The following SCEL variants were observed in gnomAD, a reference collection of about 807,000 sequenced individuals.
SCEL encodes the protein sciellin.
A neutral mutation model predicts 117.6 loss-of-function variants in SCEL; 113 were observed. That is an observed-to-expected ratio of 0.96 (90% CI 0.83 to 1.12). The LOEUF (loss-of-function observed/expected upper bound fraction) is 1.12. SCEL is among the 50% of genes most tolerant of loss of function. The pLI is 0.00. For missense variants in SCEL, 785 were observed against 810.8 expected (o/e 0.97, Z 0.39); for synonymous variants, 270 against 256.2 (o/e 1.05, Z -0.51).
chr13:77,610,725 G>C (rs1594115116), intron 22 of SCEL, among the ~76,000 whole-genome samples: 1 of 152,246 alleles, frequency 6.6e-6, no homozygotes, highest in Admixed American at 6.5e-5. Context: ...GTAGCCTAAA[G>C]AAAGGTCTTC....
intron 12 of SCEL, among the ~76,000 whole-genome samples, chr13:77,594,391 A>G (rs1001259727): frequency 4.6e-5 from 7 of 152,084 alleles, no homozygotes; most frequent in African/African-American, 1.7e-4. Flanking sequence ...GTTTCCAAAT[A>G]CTCTGGCTTT....
intron 1 of SCEL, among the ~76,000 whole-genome samples, chr13:77,542,331 G>A (rs1341721317): frequency 6.6e-6 from 1 of 152,180 alleles, no homozygotes; most frequent in African/African-American, 2.4e-5. Context: ...AACCCGGGAG[G>A]TGGAGGTTGC....
At chr13:77,538,151 C>G (rs1033771603) in intron 1 of SCEL, among the ~76,000 whole-genome samples, 5 of 139,716 alleles carry the variant, frequency 3.6e-5, no homozygotes, top group Admixed American at 1.5e-4. Flanking sequence ...GAGTCTCGCT[C>G]TTTTCCCCAG....
At chr13:77,550,412 ATT>A (rs1491373709) in intron 1 of SCEL, among the ~76,000 whole-genome samples, 8 of 130,774 alleles carry the variant, frequency 6.1e-5, no homozygotes, top group South Asian at 5.1e-4. Context: ...ATATATATAT[ATT>A]ATATATATAT....
At chr13:77,537,875 G>A (rs1462797260) in intron 1 of SCEL, among the ~76,000 whole-genome samples, 3 of 152,136 alleles carry the variant, frequency 2.0e-5, no homozygotes, top group East Asian at 1.9e-4. Flanking sequence ...TATCTTATAC[G>A]GTTCAGGCAT....
chr13:77,549,675 T>A (rs1348112188), intron 1 of SCEL, among the ~76,000 whole-genome samples: 1 of 152,192 alleles, frequency 6.6e-6, no homozygotes, highest in African/African-American at 2.4e-5. Context: ...TGGCTTCTGT[T>A]TGTGAGTTCC....
chr13:77,553,106 T>C (rs2084437152), intron 1 of SCEL, among the ~76,000 whole-genome samples: 1 of 152,140 alleles, frequency 6.6e-6, no homozygotes, highest in South Asian at 2.1e-4. Flanking sequence ...AGTCACCTGC[T>C]GAGATACTAG....
intron 1 of SCEL, among the ~76,000 whole-genome samples, chr13:77,551,666 G>A (rs1205084709): frequency 6.6e-6 from 1 of 151,812 alleles, no homozygotes; most frequent in Non-Finnish European, 1.5e-5. Flanking sequence ...CCACCCTAAG[G>A]GCCTCGTTTT....
At chr13:77,567,992 T>C (rs2085381727) in intron 6 of SCEL, among the ~76,000 whole-genome samples, 1 of 152,204 alleles carries the variant, frequency 6.6e-6, no homozygotes, top group Admixed American at 6.5e-5. Flanking sequence ...GGTGGCAAAA[T>C]TATGAAATAG....
intron 5 of SCEL, among the ~76,000 whole-genome samples, chr13:77,564,203 T>C (rs1410829568): frequency 2.6e-5 from 4 of 151,838 alleles, no homozygotes; most frequent in Non-Finnish European, 4.4e-5. Flanking sequence ...TTTTTTTTTT[T>C]TTTTTGCGAA....
intron 9 of SCEL, 113 bp downstream of exon 9, chr13:77,572,302 A>T (rs2085683700): frequency 2.4e-6 from 2 of 818,744 alleles, no homozygotes; most frequent in African/African-American, 1.7e-5. Flanking sequence ...AATCTCATGA[A>T]CTCTCAGCTC....
chr13:77,571,498 G>T (rs1479277753), intron 8 of SCEL, among the ~76,000 whole-genome samples: 1 of 151,880 alleles, frequency 6.6e-6, no homozygotes, highest in Non-Finnish European at 1.5e-5. Context: ...AGACCAGCCT[G>T]ACCAACATGG....
At chr13:77,632,528 GC>G (rs1488210326) in intron 28 of SCEL, among the ~76,000 whole-genome samples, 3 of 152,160 alleles carry the variant, frequency 2.0e-5, no homozygotes, top group Non-Finnish European at 4.4e-5. Context: ...TGAAACATCT[GC>G]CTTAAAACCA....
Position 77,568,280 on chromosome 13 carries a change from T to C in SCEL, c.360-15T>C, listed in dbSNP as rs1213706873. 3 of 1,540,846 alleles carry C rather than the reference T, an allele frequency of 1.9e-6. No individual in the cohort carries two copies. Among genetic ancestry groups the C allele is most frequent in the Non-Finnish European group, 1.8e-6 (2 of 1,123,488 alleles). ...TCTTCATTGTTCAAACTTTGCTTTCTTTCTCTCTTACCAGGAGCATGTCCA... is the reference window on the plus strand; with the variant it reads ...TCTTCATTGTTCAAACTTTGCTTTCCTTCTCTCTTACCAGGAGCATGTCCA... On this transcript the variant is annotated splice_polypyrimidine_tract_variant and intron_variant, in intron 6 of 32. Coordinates refer to ENST00000349847, the MANE Select transcript of SCEL (RefSeq NM_144777.3).
At chr13:77,602,852 C>A in intron 17 of SCEL, 139 bp downstream of exon 17, 1 of 710,950 alleles carries the variant, frequency 1.4e-6, no homozygotes, top group South Asian at 2.0e-5. Context: ...TTCAAAGAAT[C>A]TACAGTATAT....
chr13:77,574,531 T>G (rs1168565446), intron 9 of SCEL, among the ~76,000 whole-genome samples: 5 of 152,188 alleles, frequency 3.3e-5, no homozygotes, highest in African/African-American at 1.2e-4. Context: ...AAGGAGAGAA[T>G]AATAACAATA....
At chr13:77,617,469 A>T in intron 24 of SCEL, 130 bp from the exon 25 acceptor site, 1 of 574,394 alleles carries the variant, frequency 1.7e-6, no homozygotes, top group Non-Finnish European at 3.1e-6. Context: ...TTGGTTAGAA[A>T]ACGTATTTCA....
intron 4 of SCEL, among the ~76,000 whole-genome samples, chr13:77,562,040 T>G (rs761985186): frequency 1.3e-5 from 2 of 152,190 alleles, no homozygotes; most frequent in Non-Finnish European, 2.9e-5. Flanking sequence ...CATGTTCTGG[T>G]AGATCATTTA....
intron 1 of SCEL, among the ~76,000 whole-genome samples, chr13:77,536,653 A>T (rs567344372): frequency 2.6e-4 from 40 of 152,334 alleles, no homozygotes; most frequent in African/African-American, 9.6e-4. Flanking sequence ...AGCTAAGCTG[A>T]CTTGTGTTTT....
Sources: gnomAD v4.1 joint callset for allele counts (sites outside exome capture counted in the v4.1 genomes callset) on GRCh38, gnomAD v4.1.1 for gene constraint, MANE v1.5 for transcripts, NCBI Gene and HGNC (gene_info 2026-07-23, HGNC 2026-07-21) for gene names.